The following PRR16 variants were observed in gnomAD, a reference collection of about 807,000 sequenced individuals.
The protein encoded by PRR16 is protein Largen.
In PRR16, 6 loss-of-function variants were observed where a neutral mutation model predicts 18.2. The observed-to-expected ratio is 0.33, with a 90% CI of 0.18 to 0.65. The LOEUF (loss-of-function observed/expected upper bound fraction) is 0.65, where lower values mean the gene tolerates loss of function less well. Among genes scored for constraint, PRR16 ranks in the 30% least tolerant of loss-of-function variants. PRR16 has a pLI of 0.74. For missense variants in PRR16, 412 were observed against 376.6 expected (o/e 1.09, Z -0.78); for synonymous variants, 151 against 147.8 (o/e 1.02, Z -0.16).
the PRR16 span, among the ~76,000 whole-genome samples, chr5:120,791,103 A>G: frequency 1.3e-5 from 2 of 152,246 alleles, no homozygotes; most frequent in Admixed American, 6.5e-5. Context: ...TTTGGCATAT[A>G]ACAGTTTTTA....
In PRR16 at chr5:120,583,371, C is replaced by G. The variant is rs111731837; in HGVS notation, c.160-102583C>G. Among the ~76,000 whole-genome samples the G allele has an allele frequency of 6.3e-3, 951 of 151,250 alleles. 13 individuals are homozygous for G. Among genetic ancestry groups the G allele is most frequent in the African/African-American group, 0.021 (882 of 41,206 alleles). ...TGTGCAAGTAATCCATGTCACCATGCTTGGAGAATATAACCTGTTCTTCCA... is the reference window on the plus strand; with the variant it reads ...TGTGCAAGTAATCCATGTCACCATGGTTGGAGAATATAACCTGTTCTTCCA... On this transcript the variant is annotated intron_variant, in intron 1 of 1. Transcript: ENST00000407149.
intron 1 of PRR16, among the ~76,000 whole-genome samples, chr5:120,477,874 C>T (rs995550758): frequency 4.6e-5 from 7 of 152,174 alleles, no homozygotes; most frequent in South Asian, 2.1e-4. Flanking sequence ...CCTGAGCAAA[C>T]GCTTACCTCA....
At chr5:120,647,719 T>C (rs564603580) in intron 1 of PRR16, among the ~76,000 whole-genome samples, 15 of 152,240 alleles carry the variant, frequency 9.9e-5, no homozygotes, top group Non-Finnish European at 1.5e-4. Flanking sequence ...TATGATCCTT[T>C]TACATTTTAT....
At chr5:120,501,955 CAAAAAAAAAAAAAAAAA>C (rs548770948) in intron 1 of PRR16, among the ~76,000 whole-genome samples, 6 of 44,078 alleles carry the variant, frequency 1.4e-4, no homozygotes, top group Admixed American at 3.3e-4. Flanking sequence ...TACTCCGTCT[CAAAAAAAAAAAAAAAAA>C]AAAAAAAAAA....
At chr5:120,493,848 T>G (rs1217348147) in intron 1 of PRR16, among the ~76,000 whole-genome samples, 1 of 152,164 alleles carries the variant, frequency 6.6e-6, no homozygotes, top group African/African-American at 2.4e-5. Flanking sequence ...TCATGCAGGT[T>G]ATGATGTGTA....
At position 120,464,585 on chromosome 5, in the gene PRR16, C is replaced by A. The variant is rs1325026375; in HGVS notation, c.99C>A (p.Ile33=). 2 of 1,585,226 alleles carry A rather than the reference C, an allele frequency of 1.3e-6. No homozygotes were observed. The highest frequency in any genetic ancestry group is 1.7e-5 in the Admixed American group (1 of 57,908). ...KTKVKEQIKI[I]VEDLELVLGD... ...AGGTGAAGGAACAGATCAAGATCATCGTGGAGGATTTGGAATTAGTCCTGG... is the reference window on the plus strand; with the variant it reads ...AGGTGAAGGAACAGATCAAGATCATAGTGGAGGATTTGGAATTAGTCCTGG... Residue 33 remains isoleucine, a synonymous_variant, in exon 1 of 2, where the codon ATC becomes ATA. Transcript: ENST00000407149.
chr5:120,668,330 T>A lies in PRR16; in HGVS notation c.160-17624T>A, dbSNP rs1221880345. On this transcript the variant is annotated intron_variant, in intron 1 of 1. Coordinates refer to ENST00000407149, the MANE Select transcript of PRR16 (RefSeq NM_001300783.2). Reference sequence around the variant, plus strand: ...TGGTAGATCTTCCTCCATCCTTTTATTTTGAGCCTATGTGTGTCTCTGCAT... The same window carrying A: ...TGGTAGATCTTCCTCCATCCTTTTAATTTGAGCCTATGTGTGTCTCTGCAT... 4.0e-5 allele frequency among the ~76,000 whole-genome samples: 6 copies of A among 151,200 alleles called. No individual in the cohort carries two copies. In the East Asian group the frequency reaches 7.8e-4, roughly 20 times the overall value.
the PRR16 span, among the ~76,000 whole-genome samples, chr5:120,706,138 T>A: frequency 4.6e-5 from 7 of 152,254 alleles, no homozygotes; most frequent in Admixed American, 2.0e-4. Context: ...TTAGTGAAGA[T>A]GACAATTTTA....
downstream of PRR16, among the ~76,000 whole-genome samples, chr5:120,692,300 T>A (rs536930987): frequency 1.3e-5 from 2 of 152,304 alleles, no homozygotes; most frequent in South Asian, 4.1e-4. Context: ...TCTGAGTTCT[T>A]TGTTACGAAC....
intron 1 of PRR16, among the ~76,000 whole-genome samples, chr5:120,579,044 G>A (rs536709370): frequency 2.6e-5 from 4 of 152,184 alleles, no homozygotes; most frequent in Admixed American, 6.5e-5. Flanking sequence ...CTGCATAAAT[G>A]TCTTCTTTTG....
the PRR16 span, among the ~76,000 whole-genome samples, chr5:120,697,650 C>T: frequency 3.3e-5 from 5 of 151,596 alleles, no homozygotes; most frequent in South Asian, 4.2e-4. Flanking sequence ...AGAGAGTCAG[C>T]GAAGGGAGAT....
chr5:120,763,299 C>T, the PRR16 span, among the ~76,000 whole-genome samples: 2 of 151,922 alleles, frequency 1.3e-5, no homozygotes, highest in Admixed American at 1.3e-4. Context: ...GCATAATCCA[C>T]CACGTCTGGC....
chr5:120,703,178 T>TG, the PRR16 span, among the ~76,000 whole-genome samples: 1 of 151,974 alleles, frequency 6.6e-6, no homozygotes, highest in South Asian at 2.1e-4. Context: ...AGGTGCTCAG[T>TG]GGGGGTGCCT....
chr5:120,665,875 T>C (rs1194477393), intron 1 of PRR16, among the ~76,000 whole-genome samples: 1 of 152,182 alleles, frequency 6.6e-6, no homozygotes, highest in East Asian at 1.9e-4. Context: ...GTAGTATAGT[T>C]TGAAGTCAGG....
At chr5:120,600,015 A>G (rs987991518) in intron 1 of PRR16, among the ~76,000 whole-genome samples, 2 of 151,912 alleles carry the variant, frequency 1.3e-5, no homozygotes, top group African/African-American at 2.4e-5. Context: ...TTTCTGTTTA[A>G]AAATTCCAGA....
At chr5:120,643,937 G>A (rs1755507081) in intron 1 of PRR16, among the ~76,000 whole-genome samples, 1 of 152,052 alleles carries the variant, frequency 6.6e-6, no homozygotes, top group Non-Finnish European at 1.5e-5. Context: ...CCCAGGAGGT[G>A]GAGGTTGCAA....
intron 1 of PRR16, among the ~76,000 whole-genome samples, chr5:120,550,959 C>G (rs1291323321): frequency 6.6e-6 from 1 of 151,806 alleles, no homozygotes; most frequent in Non-Finnish European, 1.5e-5. Flanking sequence ...ATGTGACGTT[C>G]TGATACATGT....
intron 1 of PRR16, among the ~76,000 whole-genome samples, chr5:120,685,097 A>T (rs1757080578): frequency 6.6e-6 from 1 of 152,202 alleles, no homozygotes; most frequent in Non-Finnish European, 1.5e-5. Flanking sequence ...GAAGCAAAAT[A>T]TCTTTGCCTG....
intron 1 of PRR16, among the ~76,000 whole-genome samples, chr5:120,601,896 G>A (rs1177163373): frequency 6.6e-6 from 1 of 151,798 alleles, no homozygotes; most frequent in African/African-American, 2.4e-5. Context: ...TTACTTCTGG[G>A]TTCTGTAACC....
Sources: gnomAD v4.1 joint callset for allele counts (sites outside exome capture counted in the v4.1 genomes callset) on GRCh38, gnomAD v4.1.1 for gene constraint, MANE v1.5 for transcripts, NCBI Gene and HGNC (gene_info 2026-07-23, HGNC 2026-07-21) for gene names.